PNLIPRP3: variants seen among roughly 807,000 people sequenced by gnomAD.
PNLIPRP3 encodes the protein pancreatic lipase-related protein 3.
In PNLIPRP3, 58 loss-of-function variants were observed where a neutral mutation model predicts 52.8. The ratio of observed to expected loss-of-function variants is 1.10; its 90% CI spans 0.89 to 1.37. The LOEUF is 1.37. Ranked by LOEUF, PNLIPRP3 falls within the 40% of genes most tolerant of loss-of-function variation. The pLI is 0.00. For synonymous variants in PNLIPRP3, 192 were observed against 185.0 expected (o/e 1.04, Z -0.31); for missense variants, 593 against 561.6 (o/e 1.06, Z -0.57).
intron 2 of PNLIPRP3, among the ~76,000 whole-genome samples, chr10:116,438,673 A>C (rs1845812887): frequency 6.6e-6 from 1 of 152,210 alleles, no homozygotes; most frequent in African/African-American, 2.4e-5. Context: ...TTGCTGTTAA[A>C]GTGTTTTTCA....
At chr10:116,451,862 G>A (rs1445870831) in intron 4 of PNLIPRP3, among the ~76,000 whole-genome samples, 1 of 152,172 alleles carries the variant, frequency 6.6e-6, no homozygotes, top group Admixed American at 6.5e-5. Context: ...TAGTAAAAAG[G>A]AGCAGGGCAT....
At chr10:116,456,269 A>C (rs904532071) in intron 5 of PNLIPRP3, among the ~76,000 whole-genome samples, 3 of 152,232 alleles carry the variant, frequency 2.0e-5, no homozygotes. Flanking sequence ...ATTCTAGTAC[A>C]TGATACAGAA....
chr10:116,444,005 C>T (rs1017001333), intron 3 of PNLIPRP3, among the ~76,000 whole-genome samples: 2 of 151,630 alleles, frequency 1.3e-5, no homozygotes, highest in Admixed American at 1.3e-4. Context: ...CACAGTTCAG[C>T]ATAGCTGGGG....
At chr10:116,456,794 T>C (rs1046363481) in intron 5 of PNLIPRP3, among the ~76,000 whole-genome samples, 1 of 152,300 alleles carries the variant, frequency 6.6e-6, no homozygotes, top group Admixed American at 6.5e-5. Context: ...CAACAGCCAG[T>C]AAGCAAGCCC....
At chr10:116,457,024 G>A (rs60077464) in intron 5 of PNLIPRP3, among the ~76,000 whole-genome samples, 29 of 152,318 alleles carry the variant, frequency 1.9e-4, no homozygotes, top group African/African-American at 5.8e-4. Flanking sequence ...AGCTTGTCAC[G>A]TAAACTTGTC....
chr10:116,476,707 G>A lies in PNLIPRP3; in HGVS notation c.1228G>A (p.Val410Ile), dbSNP rs1846473175. The A allele has an allele frequency of 3.7e-6, 6 of 1,604,012 alleles. No individual in the cohort carries two copies. Among genetic ancestry groups the A allele is most frequent in the African/African-American group, 2.7e-5 (2 of 74,424 alleles). ...AAAATTAATCGATGCAGATGTTAAC[G>A]TTGGAAACATTACAAGTGTTCAGTT... is the stretch of plus-strand genomic sequence containing the variant. Reference protein sequence around the residue: ...YTKLIDADVNVGNITSVQFIW... With the variant: ...YTKLIDADVNIGNITSVQFIW... Residue 410 changes from valine (V) to isoleucine (I), a missense_variant, in exon 11 of 12, where the codon GTT becomes ATT. Physicochemically the swap from Val to Ile is conservative, Grantham distance 29. Transcript: ENST00000369230.
chr10:116,459,779 T>C (rs1846165244), intron 5 of PNLIPRP3, among the ~76,000 whole-genome samples: 1 of 152,120 alleles, frequency 6.6e-6, no homozygotes, highest in Non-Finnish European at 1.5e-5. Flanking sequence ...TTTCTTTTTC[T>C]TTTTTTGAGA....
At chr10:116,452,005 G>A (rs1337863815) in intron 4 of PNLIPRP3, among the ~76,000 whole-genome samples, 1 of 152,184 alleles carries the variant, frequency 6.6e-6, no homozygotes, top group Non-Finnish European at 1.5e-5. Context: ...CTTGTTAAAT[G>A]GTTGTGACCA....
chr10:116,428,390 C>T (rs1270222758), intron 1 of PNLIPRP3, among the ~76,000 whole-genome samples: 1 of 152,088 alleles, frequency 6.6e-6, no homozygotes, highest in Non-Finnish European at 1.5e-5. Flanking sequence ...ACTTACTAGT[C>T]TTATGGGCTT....
intron 8 of PNLIPRP3, among the ~76,000 whole-genome samples, chr10:116,467,793 T>C (rs762352636): frequency 4.1e-4 from 63 of 152,176 alleles, no homozygotes; most frequent in Non-Finnish European, 7.9e-4. Context: ...TTAGTTCTCC[T>C]ACTAATGTGA....
chr10:116,439,891 A>G, intron 2 of PNLIPRP3: 2 of 800,904 alleles, frequency 2.5e-6, no homozygotes, highest in East Asian at 2.4e-5. Flanking sequence ...TTTCCCGGAC[A>G]TTATCTTCCA....
chr10:116,448,171 TC>T (rs1377738782), intron 4 of PNLIPRP3, among the ~76,000 whole-genome samples: 4 of 152,146 alleles, frequency 2.6e-5, no homozygotes, highest in Non-Finnish European at 4.4e-5. Flanking sequence ...TACTTTTAAT[TC>T]TAGTATAAAA....
At position 116,445,151 on chromosome 10, in the gene PNLIPRP3, A is replaced by T. The variant is rs146684105; in HGVS notation, c.456+638A>T. ...CATTCATTCAACAAATATATATTTCACTCTGCACTTACTGTGGGCTAGGCA... is the reference window on the plus strand; with the variant it reads ...CATTCATTCAACAAATATATATTTCTCTCTGCACTTACTGTGGGCTAGGCA... On this transcript the variant is annotated intron_variant, in intron 4 of 11. Coordinates refer to ENST00000369230, the MANE Select transcript of PNLIPRP3 (RefSeq NM_001011709.3). Among the ~76,000 whole-genome samples the T allele has an allele frequency of 9.9e-5, 15 of 151,656 alleles. No homozygotes were observed. The East Asian group carries it at 2.9e-3, about 29-fold the overall frequency.
Position 116,469,267 on chromosome 10 carries a change from C to A in PNLIPRP3, c.1010C>A (p.Thr337Asn). 6.2e-7 allele frequency: 1 copy of A among 1,611,072 alleles called. No individual in the cohort carries two copies. Among genetic ancestry groups the A allele is most frequent in the Non-Finnish European group, 8.5e-7 (1 of 1,178,734 alleles). Residue 337 changes from threonine (T) to asparagine (N), a missense_variant, in exon 9 of 12, where the codon ACT (threonine) becomes AAT (asparagine). By Grantham distance (65) the Thr-to-Asn change is moderately conservative. Coordinates refer to ENST00000369230, the MANE Select transcript of PNLIPRP3 (RefSeq NM_001011709.3). ...ADRFHFKNMK[T>N]NGSHYFLNTG... is the part of the protein sequence containing the mutation. The stretch of plus-strand genomic sequence containing the variant: ...AGATTTCACTTCAAAAATATGAAGA[C>A]TAATGGATCACATTATTTTTTAAAC...
At chr10:116,458,701 T>C (rs1340838641) in intron 5 of PNLIPRP3, among the ~76,000 whole-genome samples, 1 of 152,216 alleles carries the variant, frequency 6.6e-6, no homozygotes. Context: ...TGTCTAAGTG[T>C]CTTTCCATCT....
chr10:116,455,129 G>A (rs181520731), intron 4 of PNLIPRP3, among the ~76,000 whole-genome samples: 54 of 152,270 alleles, frequency 3.5e-4, no homozygotes, highest in Admixed American at 7.2e-4. Context: ...AATGATTAAG[G>A]ATGTTCAACA....
chr10:116,451,380 C>T (rs1846035642), intron 4 of PNLIPRP3, among the ~76,000 whole-genome samples: 1 of 152,144 alleles, frequency 6.6e-6, no homozygotes, highest in Non-Finnish European at 1.5e-5. Flanking sequence ...ACAATGATTT[C>T]CTGGATATTT....
chr10:116,435,445 CA>C (rs35013184), intron 1 of PNLIPRP3, among the ~76,000 whole-genome samples: 100,488 of 141,496 alleles, frequency 0.71, 38,839 homozygotes, highest in South Asian at 0.9. Context: ...ATAAATGAGC[CA>C]AAAAAAAAAA....
At chr10:116,433,839 A>G (rs1355223834) in intron 1 of PNLIPRP3, among the ~76,000 whole-genome samples, 4 of 150,550 alleles carry the variant, frequency 2.7e-5, no homozygotes. Context: ...CACTGCAGCC[A>G]AAGGATAACA....
Sources: gnomAD v4.1 joint callset for allele counts (sites outside exome capture counted in the v4.1 genomes callset) on GRCh38, gnomAD v4.1.1 for gene constraint, MANE v1.5 for transcripts, NCBI Gene and HGNC (gene_info 2026-07-23, HGNC 2026-07-21) for gene names.